Variants in UACA observed in about 807,000 individuals in gnomAD.
UACA encodes uveal autoantigen with coiled-coil domains and ankyrin repeats.
A neutral mutation model predicts 160.5 loss-of-function variants in UACA; 112 were observed. The observed-to-expected ratio is 0.70, with a 90% confidence interval of 0.60 to 0.82. UACA has a LOEUF of 0.82. Ranked by LOEUF, UACA falls within the 40% of genes least tolerant of loss-of-function variation. The pLI is 0.00. For missense variants in UACA, 1,574 were observed against 1,614.6 expected, an observed-to-expected ratio of 0.97 and a Z score of 0.43; for synonymous variants, 557 against 568.4, an observed-to-expected ratio of 0.98 and a Z score of 0.29.
At chr15:70,743,783 T>C in intron 1 of UACA, among the ~76,000 whole-genome samples, 1 of 152,158 alleles carries the variant, frequency 6.6e-6, no homozygotes, top group East Asian at 1.9e-4. Flanking sequence ...TAAAAGTTGG[T>C]GCCAAATCGT....
chr15:70,664,671 T>C lies in UACA; in HGVS notation c.4104A>G (p.Gln1368=). 1 of 1,609,918 alleles carries C rather than the reference T, an allele frequency of 6.2e-7. No homozygotes were observed. The highest frequency in any genetic ancestry group is 8.5e-7 in the Non-Finnish European group (1 of 1,178,206). Residue 1368 remains glutamine, a synonymous_variant, in exon 17 of 19, where the codon CAA becomes CAG. Coordinates refer to ENST00000322954, the MANE Select transcript of UACA (RefSeq NM_018003.4). ...TLQHQVKSLE[Q]QLADADRQHQ... The stretch of plus-strand genomic sequence containing the variant: ...GTGCCTGGTTACTCACGGCCAGCTG[T>C]TGCTCCAGAGATTTCACTTGGTGCT...
chr15:70,677,087 TA>T lies in UACA; in HGVS notation c.1032+20del. ...AATTCCTAAAACAATTTTAATGGTT[TA>T]AAATAAAATGTCACCCTACCTCGCT... is the stretch of plus-strand genomic sequence containing the variant. On this transcript the variant is annotated intron_variant, in intron 12 of 18. Transcript: ENST00000322954. 5 of 1,591,174 alleles carry T rather than the reference TA, an allele frequency of 3.1e-6. No homozygotes were observed. The highest frequency in any genetic ancestry group is 4.3e-6 in the Non-Finnish European group (5 of 1,166,224).
intron 7 of UACA, 109 bp from the exon 8 acceptor site, chr15:70,684,555 G>C: frequency 9.2e-7 from 1 of 1,082,728 alleles, no homozygotes; most frequent in Non-Finnish European, 1.3e-6. Context: ...GGATAAACTA[G>C]ATTATATATG....
chr15:70,758,049 A>G (rs1418246041), intron 1 of UACA, among the ~76,000 whole-genome samples: 2 of 152,238 alleles, frequency 1.3e-5, no homozygotes, highest in Non-Finnish European at 2.9e-5. Context: ...TTTAATTTGA[A>G]CAATGCATAT....
intron 1 of UACA, among the ~76,000 whole-genome samples, chr15:70,744,242 CTG>C (rs1297525086): frequency 8.2e-6 from 1 of 121,536 alleles, no homozygotes. Context: ...GAGCAAGACT[CTG>C]TCTCAAAAAA....
At chr15:70,748,615 C>G (rs1899784500) in intron 1 of UACA, among the ~76,000 whole-genome samples, 1 of 152,122 alleles carries the variant, frequency 6.6e-6, no homozygotes, top group Non-Finnish European at 1.5e-5. Flanking sequence ...CTCTTCCTAC[C>G]TGCCCCTACC....
rs186404124 is a variant in UACA at position 70,740,734 on chromosome 15, G to A, written c.78+22596C>T. On this transcript the variant is annotated intron_variant, in intron 1 of 18. Transcript: ENST00000322954. ...AAATAAAATGGGGTAACTTGCTAAC[G>A]CAGTAATACACAAAAGAGCTGGGCT... Among the ~76,000 whole-genome samples the A allele has an allele frequency of 1.1e-3, 165 of 150,948 alleles. 1 individual carries two copies. The highest frequency in any genetic ancestry group is 4.0e-3 in the African/African-American group (164 of 41,156).
chr15:70,682,703 A>G, intron 9 of UACA, 55 bp downstream of exon 9: 1 of 1,108,084 alleles, frequency 9.0e-7, no homozygotes, highest in Non-Finnish European at 1.2e-6. Flanking sequence ...AGTTTTACTA[A>G]GCACTTTAAA....
intron 1 of UACA, among the ~76,000 whole-genome samples, chr15:70,720,305 A>G (rs1433777233): frequency 6.6e-6 from 1 of 152,190 alleles, no homozygotes; most frequent in Non-Finnish European, 1.5e-5. Context: ...ATTTCTTTAT[A>G]GCAATGTGTG....
chr15:70,742,772 G>A lies in UACA; in HGVS notation c.78+20558C>T, dbSNP rs148586513. 7.2e-5 allele frequency among the ~76,000 whole-genome samples: 11 copies of A among 151,988 alleles called. No homozygotes were observed. The East Asian group carries it at 2.1e-3, about 29-fold the overall frequency. ...TTTTTATTTTGTTTTTTTCACTCAT[G>A]AGATTTCCATTTCTTCCATAGCATT... On this transcript the variant is annotated intron_variant, in intron 1 of 18. Transcript: ENST00000322954.
At chr15:70,754,075 G>C (rs1417555750) in intron 1 of UACA, 1 of 454,722 alleles carries the variant, frequency 2.2e-6, no homozygotes, top group Non-Finnish European at 4.4e-6. Flanking sequence ...CAAAGTGTTG[G>C]GATTACAGGC....
In UACA at chr15:70,688,421, T is replaced by C. The variant is rs146672075; in HGVS notation, c.425-601A>G. On this transcript the variant is annotated intron_variant, in intron 5 of 18. Transcript: ENST00000322954. ...GATTATGTTTACAATCCCCATGAATTTTTTAAGCCTTATGAGTTGACATAC... is the reference window on the plus strand; with the variant it reads ...GATTATGTTTACAATCCCCATGAATCTTTTAAGCCTTATGAGTTGACATAC... 6.0e-3 allele frequency among the ~76,000 whole-genome samples: 920 copies of C among 152,250 alleles called. 7 individuals are homozygous for C. Among genetic ancestry groups the C allele is most frequent in the Non-Finnish European group, 0.011 (720 of 67,994 alleles).
intron 9 of UACA, chr15:70,681,555 T>A (rs1325022957): frequency 6.6e-6 from 1 of 152,232 alleles, no homozygotes; most frequent in African/African-American, 2.4e-5. Flanking sequence ...CAATAATTCT[T>A]TTTATTTTAA....
intron 18 of UACA, among the ~76,000 whole-genome samples, chr15:70,659,341 CT>C (rs908330388): frequency 1.4e-5 from 1 of 73,028 alleles, no homozygotes; most frequent in African/African-American, 4.9e-5. Flanking sequence ...TAAAATTGTT[CT>C]TTTTTTGAAG....
At chr15:70,702,317 C>G (rs985130894) in intron 1 of UACA, 2 of 995,964 alleles carry the variant, frequency 2.0e-6, no homozygotes, top group Non-Finnish European at 2.4e-6. Flanking sequence ...ATAAAACTGT[C>G]CACATCCGAA....
intron 1 of UACA, chr15:70,749,115 T>C (rs1401156175): frequency 2.8e-6 from 1 of 351,076 alleles, no homozygotes; most frequent in Non-Finnish European, 5.7e-6. Flanking sequence ...TATACATATA[T>C]AGAGTGAATG....
intron 1 of UACA, among the ~76,000 whole-genome samples, chr15:70,751,593 GAAAC>G (rs2030062468): frequency 6.6e-6 from 1 of 152,146 alleles, no homozygotes; most frequent in Non-Finnish European, 1.5e-5. Flanking sequence ...TCCAAATGAA[GAAAC>G]AAACATATTT....
chr15:70,745,958 C>G (rs920897272), intron 1 of UACA, among the ~76,000 whole-genome samples: 23 of 152,164 alleles, frequency 1.5e-4, no homozygotes, highest in Non-Finnish European at 3.4e-4. Flanking sequence ...TGGACCCCTT[C>G]CTTACACCTT....
intron 9 of UACA, among the ~76,000 whole-genome samples, chr15:70,680,393 A>T (rs1263352618): frequency 6.7e-6 from 1 of 149,090 alleles, no homozygotes; most frequent in Non-Finnish European, 1.5e-5. Flanking sequence ...TAATTAGGTT[A>T]AAAAAAAAAC....
Sources: allele counts gnomAD v4.1 joint callset (sites outside exome capture counted in the v4.1 genomes callset), GRCh38; gene constraint gnomAD v4.1.1; transcripts MANE v1.5; gene names NCBI Gene and HGNC (gene_info 2026-07-23, HGNC 2026-07-21).